IQCH: variants seen among roughly 807,000 people sequenced by gnomAD.
IQCH encodes IQ motif containing H, also known as IQ domain-containing protein H.
IQCH carries 98 observed loss-of-function variants against 117.0 expected under a neutral mutation model. The ratio of observed to expected loss-of-function variants is 0.84; its 90% CI spans 0.71 to 0.99. The LOEUF is 0.99. Ranked by LOEUF, IQCH falls within the 50% of genes least tolerant of loss-of-function variation. The probability of loss-of-function intolerance (pLI) is 0.00; values close to 1 mark genes in which losing one functional copy is unlikely to be tolerated. For missense variants in IQCH, 1,102 were observed against 1,243.8 expected, an observed-to-expected ratio of 0.89 and a Z score of 1.72; for synonymous variants, 412 against 448.2, an observed-to-expected ratio of 0.92 and a Z score of 1.02.
At chr15:67,284,222 CCTT>C (rs1215242513) in intron 4 of IQCH, among the ~76,000 whole-genome samples, 6 of 152,138 alleles carry the variant, frequency 3.9e-5, no homozygotes, top group Admixed American at 1.3e-4. Flanking sequence ...TAGTAACTAT[CCTT>C]CTACTTTCCA....
chr15:67,419,808 G>C (rs1050751653), intron 15 of IQCH, among the ~76,000 whole-genome samples: 23 of 152,114 alleles, frequency 1.5e-4, no homozygotes, highest in African/African-American at 5.3e-4. Flanking sequence ...TAATTGCTTT[G>C]AGTGGAAAAA....
At chr15:67,439,925 C>G (rs1160887585) in intron 16 of IQCH, among the ~76,000 whole-genome samples, 1 of 146,708 alleles carries the variant, frequency 6.8e-6, no homozygotes, top group Non-Finnish European at 1.5e-5. Flanking sequence ...ATAAATGAAA[C>G]TAAAACTGGT....
intron 10 of IQCH, among the ~76,000 whole-genome samples, chr15:67,380,060 C>G (rs1244420910): frequency 6.6e-6 from 1 of 152,202 alleles, no homozygotes; most frequent in African/African-American, 2.4e-5. Context: ...CCATGTTGGT[C>G]AGGCTGGTCT....
At position 67,389,017 on chromosome 15, in the gene IQCH, G is replaced by A. The variant is rs1412568230; in HGVS notation, c.1632+11G>A. 8 of 1,606,926 alleles carry A rather than the reference G, an allele frequency of 5.0e-6. No homozygotes were observed. The African/African-American group carries it at 6.7e-5, about 13-fold the overall frequency. On this transcript the variant is annotated intron_variant, in intron 12 of 20. Coordinates refer to ENST00000335894, the MANE Select transcript of IQCH (RefSeq NM_001031715.3). ...GTAAACATCTTCCCTGTGAGTTTGT[G>A]TTCTAATTACTATGGTTTCAGGGAT...
intron 13 of IQCH, among the ~76,000 whole-genome samples, chr15:67,398,078 C>T (rs919194667): frequency 6.6e-6 from 1 of 152,148 alleles, no homozygotes; most frequent in Non-Finnish European, 1.5e-5. Flanking sequence ...GATCCATCAA[C>T]AGATGCCCAT....
chr15:67,360,007 T>C, intron 8 of IQCH, 122 bp downstream of exon 8: 1 of 702,058 alleles, frequency 1.4e-6, no homozygotes, highest in East Asian at 2.7e-5. Flanking sequence ...AAGTTCGTGC[T>C]TCCTTTGTAA....
At chr15:67,344,284 A>G (rs1596224570) in intron 6 of IQCH, 93 bp downstream of exon 6, 3 of 1,076,820 alleles carry the variant, frequency 2.8e-6, no homozygotes, top group Non-Finnish European at 4.0e-6. Flanking sequence ...TTTGTCCTCA[A>G]TAATAGGACA....
chr15:67,376,439 G>A lies in IQCH; in HGVS notation c.1372+3006G>A, dbSNP rs76777006. ...CAGATTCACTAGTCAAAATCAGTTG[G>A]TAGGATTGTCTGGTTCAGGTAGGCA... On this transcript the variant is annotated intron_variant, in intron 10 of 20. Coordinates refer to ENST00000335894, the MANE Select transcript of IQCH (RefSeq NM_001031715.3). This position sits in a 1 kb window ranked among gnomAD's most constrained non-coding sequence, Gnocchi z 5.0. Among the ~76,000 whole-genome samples, 737 of 152,294 alleles carry A rather than the reference G, an allele frequency of 4.8e-3. 4 individuals carry two copies. Among genetic ancestry groups the A allele is most frequent in the African/African-American group, 0.017 (713 of 41,554 alleles).
intron 16 of IQCH, among the ~76,000 whole-genome samples, chr15:67,464,734 G>A (rs542838040): frequency 2.6e-5 from 4 of 152,090 alleles, no homozygotes; most frequent in Non-Finnish European, 4.4e-5. Flanking sequence ...CTCTTTTCCC[G>A]TCTTTCTGCT....
rs534582141 is a variant in IQCH, at chr15:67,436,685, G to A, written c.2505+15108G>A. Reference sequence around the variant, plus strand: ...TCAAGCCCGTCTTGCCCTCTGCCTGGAAAGAGACTCGGGGCTGTTGTGGAG... The same window carrying A: ...TCAAGCCCGTCTTGCCCTCTGCCTGAAAAGAGACTCGGGGCTGTTGTGGAG... On this transcript the variant is annotated intron_variant, in intron 16 of 20. Coordinates refer to ENST00000335894, the MANE Select transcript of IQCH (RefSeq NM_001031715.3). This position sits in a 1 kb window ranked among gnomAD's most constrained non-coding sequence, Gnocchi z 5.1. 5.0e-3 allele frequency among the ~76,000 whole-genome samples: 760 copies of A among 152,300 alleles called. 5 individuals carry two copies. The highest frequency in any genetic ancestry group is 6.8e-3 in the Middle Eastern group (2 of 294).
At position 67,433,244 on chromosome 15, in the gene IQCH, TAATGATGATGGC is replaced by T. The variant is rs1367618097; in HGVS notation, c.2505+11678_2505+11689del. ...GAGACCTATAATATGCAAGTAATAG[TAATGATGATGGC>T]AATGATGATGACTTCTACAATAAGC... is the stretch of plus-strand genomic sequence containing the variant. On this transcript the variant is annotated intron_variant, in intron 16 of 20. Coordinates refer to ENST00000335894, the MANE Select transcript of IQCH (RefSeq NM_001031715.3). This position sits in a 1 kb window ranked among gnomAD's most constrained non-coding sequence, Gnocchi z 5.4. 1.3e-5 allele frequency among the ~76,000 whole-genome samples: 2 copies of T among 152,224 alleles called. No individual in the cohort carries two copies. Among genetic ancestry groups the T allele is most frequent in the African/African-American group, 4.8e-5 (2 of 41,462 alleles).
chr15:67,447,201 T>TA lies in IQCH; in HGVS notation c.2506-17925dup, dbSNP rs1299866821. 1.3e-5 allele frequency among the ~76,000 whole-genome samples: 2 copies of TA among 152,220 alleles called. No individual in the cohort carries two copies. The highest frequency in any genetic ancestry group is 4.8e-5 in the African/African-American group (2 of 41,464). On this transcript the variant is annotated intron_variant, in intron 16 of 20. Transcript: ENST00000335894. This position sits in a 1 kb window ranked among gnomAD's most constrained non-coding sequence, Gnocchi z 5.3. ...ACCCATAAAGTTGTTCGGAGGATGA[T>TA]ATGAGCAAATACCACAGTGCCTTGC...
chr15:67,401,374 A>G lies in IQCH; in HGVS notation c.2097+1069A>G, dbSNP rs1420413606. Among the ~76,000 whole-genome samples, 4 of 152,192 alleles carry G rather than the reference A, an allele frequency of 2.6e-5. No individual in the cohort carries two copies. Among genetic ancestry groups the G allele is most frequent in the Admixed American group, 6.5e-5 (1 of 15,278 alleles). ...TCTTGCCTGGCTTCTCTTAATCCCA[A>G]ATATCTGTTTTGGCTGACCTGCTGG... On this transcript the variant is annotated intron_variant, in intron 14 of 20. Transcript: ENST00000335894. The surrounding 1 kb of genome is among the most constrained non-coding windows in gnomAD (Gnocchi z 4.7).
At chr15:67,265,704 C>T (rs930501388) in intron 3 of IQCH, among the ~76,000 whole-genome samples, 7 of 152,122 alleles carry the variant, frequency 4.6e-5, no homozygotes, top group African/African-American at 7.2e-5. Flanking sequence ...GACTATGGCC[C>T]GTGACTGACA....
At position 67,395,595 on chromosome 15, in the gene IQCH, A is replaced by G; in HGVS notation, c.1905+32A>G. 1.3e-6 allele frequency: 2 copies of G among 1,596,148 alleles called. No homozygotes were observed. Among genetic ancestry groups the G allele is most frequent in the Non-Finnish European group, 1.7e-6 (2 of 1,167,878 alleles). ...GGGGTGGACAAGTGAAGCTCTGTTC[A>G]AATATTTGAAACATCCTCTTGATCT... is the stretch of plus-strand genomic sequence containing the variant. On this transcript the variant is annotated intron_variant, in intron 13 of 20. Transcript: ENST00000335894. This position sits in a 1 kb window ranked among gnomAD's most constrained non-coding sequence, Gnocchi z 4.0.
chr15:67,422,003 G>GCT lies in IQCH; in HGVS notation c.2505+427_2505+428insTC, dbSNP rs1319037080. Among the ~76,000 whole-genome samples the GCT allele has an allele frequency of 6.6e-6, 1 of 151,896 alleles. No homozygotes were observed. Among genetic ancestry groups the GCT allele is most frequent in the African/African-American group, 2.4e-5 (1 of 41,326 alleles). ...AATTCCAGCTACTTGGGAGGCTGAGGCAGGAGAATCACTTGAACCCGGGAG... is the reference window on the plus strand; with the variant it reads ...AATTCCAGCTACTTGGGAGGCTGAGGCTCAGGAGAATCACTTGAACCCGGGAG... On this transcript the variant is annotated intron_variant, in intron 16 of 20. Transcript: ENST00000335894. This position sits in a 1 kb window ranked among gnomAD's most constrained non-coding sequence, Gnocchi z 4.7.
At position 67,263,705 on chromosome 15, in the gene IQCH, A is replaced by G. The variant is rs551113983; in HGVS notation, c.269+489A>G. On this transcript the variant is annotated intron_variant, in intron 3 of 20. Transcript: ENST00000335894. ...AAATCAGTTTTCACACTTTTAGATC[A>G]CCTGGTACTTTATGGTTTTTAGAAT... Among the ~76,000 whole-genome samples the G allele has an allele frequency of 1.2e-3, 180 of 152,220 alleles. 1 individual carries two copies. Among genetic ancestry groups the G allele is most frequent in the African/African-American group, 4.2e-3 (176 of 41,534 alleles).
chr15:67,341,453 A>G lies in IQCH; in HGVS notation c.509-2610A>G, dbSNP rs976029817. Reference sequence around the variant, plus strand: ...GCCAACAGGGAATAACTTGCCATCCATAAATGAACTAAAAAGAAAAACAAA... The same window carrying G: ...GCCAACAGGGAATAACTTGCCATCCGTAAATGAACTAAAAAGAAAAACAAA... On this transcript the variant is annotated intron_variant, in intron 5 of 20. Transcript: ENST00000335894. 2.0e-5 allele frequency among the ~76,000 whole-genome samples: 3 copies of G among 152,346 alleles called. No homozygotes were observed. The East Asian group carries it at 5.8e-4, about 29-fold the overall frequency.
At chr15:67,352,495 C>T (rs894323350) in intron 6 of IQCH, among the ~76,000 whole-genome samples, 2 of 151,680 alleles carry the variant, frequency 1.3e-5, no homozygotes, top group Non-Finnish European at 2.9e-5. Flanking sequence ...AAGCCTGTTT[C>T]TGCTGGTGGT....
Sources: gnomAD v4.1 joint callset for allele counts (sites outside exome capture counted in the v4.1 genomes callset) on GRCh38, gnomAD v4.1.1 for gene constraint, Gnocchi (gnomAD v3.1) non-coding constraint, MANE v1.5 for transcripts, NCBI Gene and HGNC (gene_info 2026-07-23, HGNC 2026-07-21) for gene names.